The following TRPC1 variants were observed in gnomAD, a reference collection of about 807,000 sequenced individuals.
TRPC1 encodes short transient receptor potential channel 1.
A neutral mutation model predicts 88.2 loss-of-function variants in TRPC1; 42 were observed. The observed-to-expected ratio is 0.48, with a 90% CI of 0.37 to 0.62. The LOEUF (loss-of-function observed/expected upper bound fraction) is 0.62. Ranked by LOEUF, TRPC1 falls within the 20% of genes least tolerant of loss-of-function variation. The probability of loss-of-function intolerance (pLI) is 0.00; values close to 1 mark genes in which losing one functional copy is unlikely to be tolerated. For synonymous variants in TRPC1, 288 were observed against 331.8 expected (o/e 0.87, Z 1.43); for missense variants, 699 against 957.3 (o/e 0.73, Z 3.56).
intron 4 of TRPC1, among the ~76,000 whole-genome samples, chr3:142,769,224 T>C (rs1349293694): frequency 2.6e-5 from 4 of 152,058 alleles, no homozygotes; most frequent in Non-Finnish European, 5.9e-5. Flanking sequence ...TATAGGTATG[T>C]AAATGATCAC....
intron 4 of TRPC1, among the ~76,000 whole-genome samples, chr3:142,752,626 C>T (rs568194877): frequency 7.9e-5 from 12 of 152,116 alleles, no homozygotes; most frequent in African/African-American, 2.9e-4. Context: ...AGACCCTTTA[C>T]GGGTGTAGGG....
In TRPC1 at chr3:142,805,876, A is replaced by T. The variant is rs566807971; in HGVS notation, c.2155-132A>T. 1.9e-5 allele frequency: 13 copies of T among 701,320 alleles called. No homozygotes were observed. The South Asian group carries it at 2.9e-4, about 16-fold the overall frequency. 43.4% of individuals were successfully genotyped at this position (701,320 alleles called of 1,614,324 possible). ...GTTTTAAACAAGTGTTGAATATTAT[A>T]CCATGTAGTAGAAAAACTATAGTCT... On this transcript the variant is annotated intron_variant, in intron 12 of 12. Coordinates refer to ENST00000476941, the MANE Select transcript of TRPC1 (RefSeq NM_001251845.2).
At chr3:142,728,910 A>G (rs563421981) in intron 1 of TRPC1, among the ~76,000 whole-genome samples, 11 of 152,280 alleles carry the variant, frequency 7.2e-5, no homozygotes, top group South Asian at 2.1e-4. Context: ...TATGTTGACA[A>G]TGGGGCACCT....
At position 142,807,087 on chromosome 3, in the gene TRPC1, T is replaced by G. The variant is rs187996174; in HGVS notation, c.*852T>G. 10 of 151,990 alleles carry G rather than the reference T, an allele frequency of 6.6e-5. No individual in the cohort carries two copies. Among genetic ancestry groups the G allele is most frequent in the African/African-American group, 2.4e-4 (10 of 41,524 alleles). The allele number at this position is 151,990 out of a possible 1,614,324, so 9.4% of individuals were successfully genotyped here. A position where few individuals can be genotyped will look rare whatever the true frequency, so the allele number is the denominator to read the frequency against. ...TTTTTTTGTATCATAATAGTCCTAT[T>G]TTTTTTTCAAGTTGGAGTGAATGTT... On this transcript the variant is annotated 3_prime_UTR_variant, in exon 13 of 13. Transcript: ENST00000476941.
At chr3:142,761,754 A>G (rs988798699) in intron 4 of TRPC1, among the ~76,000 whole-genome samples, 2 of 152,022 alleles carry the variant, frequency 1.3e-5, no homozygotes, top group Non-Finnish European at 2.9e-5. Context: ...CTTGTTACTT[A>G]TGATTGGTTT....
intron 4 of TRPC1, among the ~76,000 whole-genome samples, chr3:142,754,968 T>TTG (rs773727320): frequency 3.9e-5 from 6 of 152,232 alleles, no homozygotes; most frequent in Non-Finnish European, 7.3e-5. Context: ...GATTCAGGTA[T>TTG]TGTGACATTA....
intron 3 of TRPC1, among the ~76,000 whole-genome samples, chr3:142,744,179 AT>A (rs912743463): frequency 1.3e-5 from 2 of 152,140 alleles, no homozygotes; most frequent in African/African-American, 4.8e-5. Flanking sequence ...AAAATACAAA[AT>A]GTTAAATCTT....
chr3:142,776,765 T>C lies in TRPC1; in HGVS notation c.633-867T>C, dbSNP rs1426371395. ...TAAAAATACAAAAATTAGCCAGGCG[T>C]GGTGGCACATGCCTGTAATCCCAGC... On this transcript the variant is annotated intron_variant, in intron 4 of 12. Coordinates refer to ENST00000476941, the MANE Select transcript of TRPC1 (RefSeq NM_001251845.2). This position sits in a 1 kb window ranked among gnomAD's most constrained non-coding sequence, Gnocchi z 4.1. Among the ~76,000 whole-genome samples the C allele has an allele frequency of 6.6e-6, 1 of 151,838 alleles. No individual in the cohort carries two copies. The highest frequency in any genetic ancestry group is 6.6e-5 in the Admixed American group (1 of 15,250).
chr3:142,727,271 T>A (rs969054158), intron 1 of TRPC1, among the ~76,000 whole-genome samples: 1 of 152,152 alleles, frequency 6.6e-6, no homozygotes, highest in African/African-American at 2.4e-5. Flanking sequence ...TTCTAGAGTG[T>A]CTCATTCTTT....
chr3:142,785,491 TTTTTGTTTTGTTTTG>T (rs568298624), intron 7 of TRPC1, among the ~76,000 whole-genome samples: 1 of 152,008 alleles, frequency 6.6e-6, no homozygotes, highest in Non-Finnish European at 1.5e-5. Flanking sequence ...AGCTTTTTGG[TTTTTGTTTTGTTTTG>T]TTTTGTTTTG....
intron 1 of TRPC1, among the ~76,000 whole-genome samples, chr3:142,735,561 C>G (rs1237273843): frequency 6.6e-6 from 1 of 152,174 alleles, no homozygotes; most frequent in Non-Finnish European, 1.5e-5. Flanking sequence ...ATCTGGTCAG[C>G]AGACAAATAC....
chr3:142,784,665 A>C, intron 6 of TRPC1, 39 bp from the exon 7 acceptor site: 1 of 1,489,302 alleles, frequency 6.7e-7, no homozygotes, highest in Non-Finnish European at 9.1e-7. Context: ...GTTTCCTTTT[A>C]CTTTTTTTCT....
At chr3:142,787,259 T>C (rs1936161145) in intron 7 of TRPC1, among the ~76,000 whole-genome samples, 1 of 152,208 alleles carries the variant, frequency 6.6e-6, no homozygotes, top group Admixed American at 6.5e-5. Context: ...TTTTATGTAA[T>C]TAGGTCACTC....
chr3:142,760,942 C>T (rs926060533), intron 4 of TRPC1, among the ~76,000 whole-genome samples: 11 of 151,864 alleles, frequency 7.2e-5, no homozygotes, highest in African/African-American at 2.7e-4. Flanking sequence ...ATTTTTGTAT[C>T]CTGCAACTTT....
At chr3:142,800,361 CAG>C (rs1936581188) in intron 9 of TRPC1, among the ~76,000 whole-genome samples, 1 of 152,090 alleles carries the variant, frequency 6.6e-6, no homozygotes, top group South Asian at 2.1e-4. Flanking sequence ...TCCACTATGG[CAG>C]AGTCTGGGTT....
At chr3:142,779,083 C>T (rs1935875415) in intron 5 of TRPC1, among the ~76,000 whole-genome samples, 1 of 152,108 alleles carries the variant, frequency 6.6e-6, no homozygotes, top group African/African-American at 2.4e-5. Context: ...TAAAATAAAA[C>T]TTACTCAACT....
chr3:142,785,109 A>G (rs570440865), intron 7 of TRPC1, 69 bp downstream of exon 7: 3 of 1,374,568 alleles, frequency 2.2e-6, no homozygotes, highest in Non-Finnish European at 2.9e-6. Flanking sequence ...GATTGATGGC[A>G]TTGTGAATAT....
At chr3:142,746,015 C>G (rs1273369253) in intron 3 of TRPC1, among the ~76,000 whole-genome samples, 1 of 152,118 alleles carries the variant, frequency 6.6e-6, no homozygotes, top group Non-Finnish European at 1.5e-5. Context: ...TCTCGGCCTC[C>G]CAAAGTGCTG....
At chr3:142,741,762 A>G (rs554022340) in intron 2 of TRPC1, among the ~76,000 whole-genome samples, 6 of 152,312 alleles carry the variant, frequency 3.9e-5, no homozygotes, top group East Asian at 1.9e-4. Context: ...TGACAGCTCA[A>G]TATGTTGCTG....
Sources: allele counts gnomAD v4.1 joint callset (sites outside exome capture counted in the v4.1 genomes callset), GRCh38; gene constraint gnomAD v4.1.1; non-coding constraint Gnocchi (gnomAD v3.1); transcripts MANE v1.5; gene names NCBI Gene and HGNC (gene_info 2026-07-23, HGNC 2026-07-21).